The following CADPS2 variants were observed in gnomAD, a reference collection of about 807,000 sequenced individuals.
The protein encoded by CADPS2 is calcium dependent secretion activator 2.
In CADPS2, 93 loss-of-function variants were observed where a neutral mutation model predicts 172.5. The observed-to-expected ratio is 0.54, with a 90% CI of 0.46 to 0.64. The LOEUF (loss-of-function observed/expected upper bound fraction) is 0.64. CADPS2 is among the 30% of genes least tolerant of loss of function. The pLI, the probability that CADPS2 is intolerant of heterozygous loss-of-function variation, is 0.00. For missense variants in CADPS2, 1,420 were observed against 1,565.9 expected (o/e 0.91, Z 1.57); for synonymous variants, 546 against 555.2 (o/e 0.98, Z 0.23).
At chr7:122,608,993 G>A (rs144579074) in intron 6 of CADPS2, among the ~76,000 whole-genome samples, 295 of 152,182 alleles carry the variant, frequency 1.9e-3, no homozygotes, top group African/African-American at 6.7e-3. Flanking sequence ...TTTGAGACAA[G>A]CCTGGGTAAC....
intron 17 of CADPS2, among the ~76,000 whole-genome samples, chr7:122,433,098 T>C (rs1238811059): frequency 6.6e-6 from 1 of 151,844 alleles, no homozygotes; most frequent in Non-Finnish European, 1.5e-5. Flanking sequence ...CTCAGCCTTA[T>C]GAGTAGCTGG....
At chr7:122,419,012 G>C (rs1202782661) in intron 17 of CADPS2, among the ~76,000 whole-genome samples, 1 of 152,088 alleles carries the variant, frequency 6.6e-6, no homozygotes, top group Admixed American at 6.5e-5. Flanking sequence ...TCAGAGTTCT[G>C]GGTCTGAATG....
At position 122,438,337 on chromosome 7, in the gene CADPS2, T is replaced by C. The variant is rs2050916899; in HGVS notation, c.2476+4A>G. 5 of 1,612,848 alleles carry C rather than the reference T, an allele frequency of 3.1e-6. No homozygotes were observed. Among genetic ancestry groups the C allele is most frequent in the Non-Finnish European group, 3.4e-6 (4 of 1,179,094 alleles). On this transcript the variant is annotated splice_donor_region_variant and intron_variant, in intron 17 of 29. Transcript: ENST00000449022. ...CCACTTCGACAATTGCTCACTGCAC[T>C]GACCTTCTATTTTGGCATATTCTGT...
intron 6 of CADPS2, among the ~76,000 whole-genome samples, chr7:122,581,912 T>C (rs2068880612): frequency 6.6e-6 from 1 of 152,148 alleles, no homozygotes; most frequent in Non-Finnish European, 1.5e-5. Flanking sequence ...TTTGAAATCA[T>C]CACAACAAAA....
At chr7:122,476,731 A>G (rs967655412) in intron 12 of CADPS2, among the ~76,000 whole-genome samples, 1 of 152,116 alleles carries the variant, frequency 6.6e-6, no homozygotes, top group Admixed American at 6.5e-5. Flanking sequence ...AACAACCTTC[A>G]ATTTCTCCAG....
At chr7:122,364,810 G>A (rs761056506) in intron 25 of CADPS2, among the ~76,000 whole-genome samples, 3 of 151,936 alleles carry the variant, frequency 2.0e-5, no homozygotes, top group Admixed American at 1.3e-4. Context: ...AAACACAACA[G>A]TCTTAGATCT....
intron 2 of CADPS2, among the ~76,000 whole-genome samples, chr7:122,718,856 A>G (rs1196043160): frequency 6.6e-6 from 1 of 152,126 alleles, no homozygotes; most frequent in Non-Finnish European, 1.5e-5. Context: ...TTTCTTAGAA[A>G]GAATGTGCCC....
At chr7:122,582,251 T>C (rs2068932288) in intron 6 of CADPS2, among the ~76,000 whole-genome samples, 1 of 152,124 alleles carries the variant, frequency 6.6e-6, no homozygotes, top group African/African-American at 2.4e-5. Context: ...TACATTTTAT[T>C]TTATAAATCT....
intron 1 of CADPS2, among the ~76,000 whole-genome samples, chr7:122,737,570 T>A (rs1402931291): frequency 6.6e-6 from 1 of 152,192 alleles, no homozygotes; most frequent in Admixed American, 6.5e-5. Context: ...AATCCTGATA[T>A]GGAAGTGGAA....
At chr7:122,528,396 G>A (rs1169893108) in intron 8 of CADPS2, among the ~76,000 whole-genome samples, 1 of 152,114 alleles carries the variant, frequency 6.6e-6, no homozygotes, top group African/African-American at 2.4e-5. Flanking sequence ...AAGAGTACCT[G>A]TATTATGTTG....
chr7:122,572,249 T>G lies in CADPS2; in HGVS notation c.1335+8930A>C, dbSNP rs73717688. Among the ~76,000 whole-genome samples, 1,203 of 152,262 alleles carry G rather than the reference T, an allele frequency of 7.9e-3. 16 individuals carry two copies. Among genetic ancestry groups the G allele is most frequent in the African/African-American group, 0.028 (1,164 of 41,568 alleles). ...TATGTATGTCTAATTCAACTCTTCA[T>G]ATATAGGAGACTTTTATATTTGTGG... On this transcript the variant is annotated intron_variant, in intron 7 of 29. Transcript: ENST00000449022.
chr7:122,833,829 T>C (rs17144996), intron 1 of CADPS2, among the ~76,000 whole-genome samples: 2,799 of 152,304 alleles, frequency 0.018, 90 homozygotes, highest in African/African-American at 0.064. Flanking sequence ...CTTAAAAAAT[T>C]CACCTCAATA....
At chr7:122,416,017 A>G in intron 18 of CADPS2, 44 bp downstream of exon 18, 2 of 1,232,100 alleles carry the variant, frequency 1.6e-6, no homozygotes, top group South Asian at 1.6e-5. Flanking sequence ...ACCATGGTGA[A>G]GCCTTACATA....
chr7:122,672,741 C>A (rs758727065), intron 2 of CADPS2, among the ~76,000 whole-genome samples: 2 of 152,224 alleles, frequency 1.3e-5, no homozygotes, highest in Non-Finnish European at 2.9e-5. Context: ...GAATTATCGA[C>A]CAGTGACTTT....
At chr7:122,744,049 C>T (rs1179875806) in intron 1 of CADPS2, among the ~76,000 whole-genome samples, 1 of 152,214 alleles carries the variant, frequency 6.6e-6, no homozygotes, top group Non-Finnish European at 1.5e-5. Flanking sequence ...ATCAGGTTCA[C>T]TTGATAGGTA....
At chr7:122,481,052 A>G (rs889115090) in intron 11 of CADPS2, among the ~76,000 whole-genome samples, 192 bp from the exon 12 acceptor site, 1 of 151,928 alleles carries the variant, frequency 6.6e-6, no homozygotes, top group Non-Finnish European at 1.5e-5. Flanking sequence ...GGAAAATACT[A>G]TGGATGAAAC....
At chr7:122,537,277 T>C (rs917961652) in intron 8 of CADPS2, among the ~76,000 whole-genome samples, 2 of 148,816 alleles carry the variant, frequency 1.3e-5, no homozygotes, top group African/African-American at 2.5e-5. Context: ...TGAATGGTAA[T>C]ACAAGCAAAA....
intron 10 of CADPS2, 33 bp downstream of exon 10, chr7:122,491,279 C>T: frequency 7.1e-7 from 1 of 1,398,748 alleles, no homozygotes. Flanking sequence ...TGCATACATA[C>T]ATGGCAGGAA....
At chr7:122,409,956 A>T (rs1056829856) in intron 19 of CADPS2, among the ~76,000 whole-genome samples, 2 of 152,230 alleles carry the variant, frequency 1.3e-5, no homozygotes, top group Non-Finnish European at 2.9e-5. Flanking sequence ...GCCACTAATT[A>T]GTGTAAATGA....
Sources: allele counts gnomAD v4.1 joint callset (sites outside exome capture counted in the v4.1 genomes callset), GRCh38; gene constraint gnomAD v4.1.1; transcripts MANE v1.5; gene names NCBI Gene and HGNC (gene_info 2026-07-23, HGNC 2026-07-21).